CASZ1: variants seen among roughly 807,000 people sequenced by gnomAD.
CASZ1 encodes zinc finger protein castor homolog 1.
Under a neutral mutation model 135.2 loss-of-function variants are expected in CASZ1, and 28 were observed. That is an observed-to-expected ratio of 0.21 (90% confidence interval 0.15 to 0.28). The LOEUF (loss-of-function observed/expected upper bound fraction) is 0.28, where lower values mean the gene tolerates loss of function less well. CASZ1 is among the 10% of genes least tolerant of loss of function. The probability of loss-of-function intolerance (pLI) is 1.00; values close to 1 mark genes in which losing one functional copy is unlikely to be tolerated. For synonymous variants in CASZ1, 1,068 were observed against 1,073.4 expected (o/e 0.99, Z 0.10); for missense variants, 2,161 against 2,453.3 (o/e 0.88, Z 2.52).
rs551939717 is a variant in CASZ1 at position 10,707,072 on chromosome 1, C to T, written c.-76-1528G>A. 5.9e-5 allele frequency among the ~76,000 whole-genome samples: 9 copies of T among 152,006 alleles called. No homozygotes were observed. Among genetic ancestry groups the T allele is most frequent in the Non-Finnish European group, 1.0e-4 (7 of 67,956 alleles). ...CAGCCATCAGAGCTCGAGTCCTGGC[C>T]GGTCAGCCCAGGGCCCTGGCTGGGG... On this transcript the variant is annotated intron_variant, in intron 2 of 20. Transcript: ENST00000377022. The surrounding 1 kb of genome is among the most constrained non-coding windows in gnomAD (Gnocchi z 5.0).
Position 10,699,429 on chromosome 1 carries a change from A to C in CASZ1, c.-23-5517T>G, listed in dbSNP as rs1179166979. 6.6e-6 allele frequency among the ~76,000 whole-genome samples: 1 copy of C among 152,110 alleles called. No homozygotes were observed. The highest frequency in any genetic ancestry group is 2.4e-5 in the African/African-American group (1 of 41,424). ...CTCTCAGAGTCAGTAGAGCCTGGGG[A>C]TGTGGCATCGGTGGGGGCATAAAGT... On this transcript the variant is annotated intron_variant, in intron 3 of 20. Transcript: ENST00000377022. The surrounding 1 kb of genome is among the most constrained non-coding windows in gnomAD (Gnocchi z 4.6).
intron 2 of CASZ1, among the ~76,000 whole-genome samples, chr1:10,737,371 G>GC (rs35295665): frequency 0.35 from 53,948 of 152,098 alleles, 10,395 homozygotes; most frequent in East Asian, 0.74. Context: ...GCCTGGAGGG[G>GC]CCTTCAGAAG....
chr1:10,668,981 C>T (rs1643322615), intron 4 of CASZ1, among the ~76,000 whole-genome samples: 1 of 152,194 alleles, frequency 6.6e-6, no homozygotes, highest in African/African-American at 2.4e-5. Flanking sequence ...GCTGGCCTCT[C>T]AGCCCCTCCT....
Position 10,741,563 on chromosome 1 carries a change from A to C in CASZ1, c.-77+19138T>G, listed in dbSNP as rs1639923026. ...AGAGATTTAGATATTTACGGGAAAT[A>C]CATTTGTTGGTGCCAAACCCCTGGT... On this transcript the variant is annotated intron_variant, in intron 2 of 20. Coordinates refer to ENST00000377022, the MANE Select transcript of CASZ1 (RefSeq NM_001079843.3). This position sits in a 1 kb window ranked among gnomAD's most constrained non-coding sequence, Gnocchi z 5.0. 6.6e-6 allele frequency among the ~76,000 whole-genome samples: 1 copy of C among 152,186 alleles called. No homozygotes were observed.
chr1:10,790,569 C>G (rs1557574064), intron 1 of CASZ1, among the ~76,000 whole-genome samples: 1 of 152,190 alleles, frequency 6.6e-6, no homozygotes, highest in African/African-American at 2.4e-5. Flanking sequence ...TTCTCCTCTT[C>G]AGAAACAAGA....
chr1:10,789,289 C>A (rs1410064161), intron 1 of CASZ1, among the ~76,000 whole-genome samples: 1 of 151,350 alleles, frequency 6.6e-6, no homozygotes, highest in African/African-American at 2.4e-5. Flanking sequence ...TGGGGTCCCC[C>A]CACCCCAGCC....
At position 10,650,675 on chromosome 1, in the gene CASZ1, TGATG is replaced by T; in HGVS notation, c.2880+13_2880+16del. The T allele has an allele frequency of 6.2e-7, 1 of 1,608,064 alleles. No individual in the cohort carries two copies. The highest frequency in any genetic ancestry group is 8.5e-7 in the Non-Finnish European group (1 of 1,174,458). On this transcript the variant is annotated intron_variant, in intron 13 of 20. Transcript: ENST00000377022. ...TCTGGGTGGGGGAACGGGAGGCGTG[TGATG>T]GATGGCTCTTACCTTATTCATAAGC... is the stretch of plus-strand genomic sequence containing the variant.
At position 10,650,859 on chromosome 1, in the gene CASZ1, A is replaced by G. The variant is rs540415722; in HGVS notation, c.2816+82T>C. 3.4e-5 allele frequency: 55 copies of G among 1,604,070 alleles called. No individual in the cohort carries two copies. In the African/African-American group the frequency reaches 6.0e-4, roughly 18 times the overall value. The stretch of plus-strand genomic sequence containing the variant: ...TGGGGCTCCAGCCGAGCCCGCTGCA[A>G]CTGCCTGGGCGGGACCACCCCGGGG... On this transcript the variant is annotated intron_variant, in intron 12 of 20. Transcript: ENST00000377022.
In CASZ1 at chr1:10,694,830, G is replaced by A. The variant is rs1236600672; in HGVS notation, c.-23-918C>T. On this transcript the variant is annotated intron_variant, in intron 3 of 20. Transcript: ENST00000377022. This position sits in a 1 kb window ranked among gnomAD's most constrained non-coding sequence, Gnocchi z 6.6. ...GGGCTGGCGGGAGGGGACCCGGCGC[G>A]GGGCGGGGAACGCGGCCCGAGTAAG... Among the ~76,000 whole-genome samples the A allele has an allele frequency of 1.4e-5, 2 of 145,098 alleles. No individual in the cohort carries two copies. Among genetic ancestry groups the A allele is most frequent in the African/African-American group, 4.9e-5 (2 of 40,524 alleles).
rs1260331280 is a variant in CASZ1 at position 10,665,438 on chromosome 1, G to A, written c.150C>T (p.Ala50=). 4.3e-6 allele frequency: 7 copies of A among 1,611,712 alleles called. No homozygotes were observed. Among genetic ancestry groups the A allele is most frequent in the South Asian group, 3.3e-5 (3 of 91,060 alleles). The change falls in exon 5 of 21, where the codon GCC becomes GCT. Residue 50 remains alanine (A), a synonymous_variant. Coordinates refer to ENST00000377022, the MANE Select transcript of CASZ1 (RefSeq NM_001079843.3). Reference sequence around the variant, plus strand: ...ATGGGCTGCCCTCCGTGTGGGAGCCGGCGTCAGCTCGCTTCTCCACCACCA... The same window carrying A: ...ATGGGCTGCCCTCCGTGTGGGAGCCAGCGTCAGCTCGCTTCTCCACCACCA... ...RQVVVEKRAD[A]GSHTEGSPSQ...
At position 10,755,366 on chromosome 1, in the gene CASZ1, T is replaced by C. The variant is rs1640231558; in HGVS notation, c.-77+5335A>G. On this transcript the variant is annotated intron_variant, in intron 2 of 20. Transcript: ENST00000377022. The surrounding 1 kb of genome is among the most constrained non-coding windows in gnomAD (Gnocchi z 4.3). ...CAGGACTCCGGGACTCCTCCATGTG[T>C]GAGACCTGACGTCGCCTCTCCAATG... Among the ~76,000 whole-genome samples the C allele has an allele frequency of 1.3e-5, 2 of 152,294 alleles. No individual in the cohort carries two copies. Among genetic ancestry groups the C allele is most frequent in the South Asian group, 4.1e-4 (2 of 4,826 alleles).
intron 3 of CASZ1, among the ~76,000 whole-genome samples, chr1:10,704,856 C>A (rs1170230900): frequency 6.6e-6 from 1 of 152,252 alleles, no homozygotes; most frequent in African/African-American, 2.4e-5. Flanking sequence ...ACCCCGGGGA[C>A]TGACACAGCC....
In CASZ1 at chr1:10,638,254, C is replaced by G. The variant is rs1642060237; in HGVS notation, c.*688G>C. On this transcript the variant is annotated 3_prime_UTR_variant, in exon 21 of 21. Transcript: ENST00000377022. This position sits in a 1 kb window ranked among gnomAD's most constrained non-coding sequence, Gnocchi z 5.9. Reference sequence around the variant, plus strand: ...ACCACCAGGGTGGCCGAGACCCCGCCCCGGCCCCCAGCGGGCTACTCTGGG... The same window carrying G: ...ACCACCAGGGTGGCCGAGACCCCGCGCCGGCCCCCAGCGGGCTACTCTGGG... The G allele has an allele frequency of 6.6e-6, 1 of 152,374 alleles. No individual in the cohort carries two copies. 9.4% of individuals were successfully genotyped at this position (152,374 alleles called of 1,614,324 possible).
intron 2 of CASZ1, among the ~76,000 whole-genome samples, chr1:10,734,615 T>C (rs1557539754): frequency 6.6e-6 from 1 of 151,818 alleles, no homozygotes; most frequent in Non-Finnish European, 1.5e-5. Flanking sequence ...AAATGGGAAT[T>C]AACGTGACAA....
chr1:10,639,913 A>C lies in CASZ1; in HGVS notation c.4309T>G (p.Phe1437Val). 6.2e-7 allele frequency: 1 copy of C among 1,612,908 alleles called. No homozygotes were observed. The highest frequency in any genetic ancestry group is 2.2e-5 in the East Asian group (1 of 44,888). ...TCCTTGCAGTCCTCGTAAAGGTCGA[A>C]GCGCCGGAAGCCCTCCAGCATCATG... is the stretch of plus-strand genomic sequence containing the variant. ...EGMMLEGFRR[F>V]DLYEDCKDAA... The change falls in exon 21 of 21, where the codon TTC (phenylalanine) becomes GTC (valine). Residue 1437 changes from phenylalanine to valine, a missense_variant. Coordinates refer to ENST00000377022, the MANE Select transcript of CASZ1 (RefSeq NM_001079843.3). The surrounding 1 kb of genome is among the most constrained non-coding windows in gnomAD (Gnocchi z 4.0).
chr1:10,672,432 G>A (rs1643435184), intron 4 of CASZ1, among the ~76,000 whole-genome samples: 1 of 149,728 alleles, frequency 6.7e-6, no homozygotes, highest in Admixed American at 6.6e-5. Context: ...GGTGTCCTTG[G>A]GACGGACAGT....
chr1:10,653,577 C>T lies in CASZ1; in HGVS notation c.2480G>A (p.Gly827Glu), dbSNP rs753182473. ...GTCAGGGGTGGCTGAGGCTGCTGACCCAGACGACACGGCACCCAGGAGGCT... is the reference window on the plus strand; with the variant it reads ...GTCAGGGGTGGCTGAGGCTGCTGACTCAGACGACACGGCACCCAGGAGGCT... Reference protein sequence around the residue: ...TPSLLGAVSSGSAASATPDTP... With the variant: ...TPSLLGAVSSESAASATPDTP... Residue 827 changes from glycine to glutamate, a missense_variant, in exon 11 of 21, where the codon GGG becomes GAG. By Grantham distance (98) the Gly-to-Glu change is moderately conservative. This residue lies in a region of CASZ1 where 406 missense variants were observed against 387.6 expected (regional missense o/e 1.05). Transcript: ENST00000377022. 6.4e-7 allele frequency: 1 copy of T among 1,567,166 alleles called. No homozygotes were observed. Among genetic ancestry groups the T allele is most frequent in the Non-Finnish European group, 8.7e-7 (1 of 1,154,448 alleles).
intron 4 of CASZ1, among the ~76,000 whole-genome samples, chr1:10,684,225 C>T (rs1638514261): frequency 6.6e-6 from 1 of 151,988 alleles, no homozygotes; most frequent in Non-Finnish European, 1.5e-5. Context: ...TCCGCATCCT[C>T]TCCAGAAGCC....
chr1:10,653,153 G>A (rs1181052200), intron 11 of CASZ1: 2 of 626,906 alleles, frequency 3.2e-6, no homozygotes, highest in Non-Finnish European at 5.8e-6. Flanking sequence ...CACAGATGGG[G>A]AAACAGAAGC....
Sources: gnomAD v4.1 joint callset for allele counts (sites outside exome capture counted in the v4.1 genomes callset) on GRCh38, gnomAD v4.1.1 for gene constraint, gnomAD v4.1.1 regional missense constraint, Gnocchi (gnomAD v3.1) non-coding constraint, MANE v1.5 for transcripts, NCBI Gene and HGNC (gene_info 2026-07-23, HGNC 2026-07-21) for gene names.